The following TMC5 variants were observed in gnomAD, a reference collection of about 807,000 sequenced individuals.
The protein encoded by TMC5 is transmembrane channel-like protein 5.
TMC5 carries 86 observed loss-of-function variants against 110.5 expected under a neutral mutation model. The observed-to-expected ratio is 0.78, with a 90% CI of 0.65 to 0.93. TMC5 has a LOEUF of 0.93. Among genes scored for constraint, TMC5 ranks in the 40% least tolerant of loss-of-function variants. TMC5 has a pLI of 0.00. For synonymous variants in TMC5, 455 were observed against 439.5 expected (o/e 1.04, Z -0.44); for missense variants, 1,144 against 1,222.8 (o/e 0.94, Z 0.96).
At chr16:19,470,797 G>A (rs948003560) in intron 10 of TMC5, among the ~76,000 whole-genome samples, 2 of 149,292 alleles carry the variant, frequency 1.3e-5, no homozygotes, top group Admixed American at 6.7e-5. Context: ...AATTTGGGAG[G>A]ACGAGGCAGG....
chr16:19,441,355 T>C (rs1213683118), intron 3 of TMC5, among the ~76,000 whole-genome samples: 1 of 151,846 alleles, frequency 6.6e-6, no homozygotes, highest in Admixed American at 6.6e-5. Context: ...GGTCTTGCTA[T>C]GTCACCCAGG....
At chr16:19,419,587 T>C (rs1200006325) in intron 1 of TMC5, among the ~76,000 whole-genome samples, 1 of 151,620 alleles carries the variant, frequency 6.6e-6, no homozygotes, top group African/African-American at 2.4e-5. Context: ...TAATTTTTTG[T>C]ATTTTTAGGA....
chr16:19,464,173 T>G, intron 8 of TMC5, 149 bp downstream of exon 8: 1 of 1,027,414 alleles, frequency 9.7e-7, no homozygotes. Context: ...CCTGGCTGAG[T>G]GTGGTGACTC....
At chr16:19,486,531 C>T (rs1360935637) in intron 15 of TMC5, among the ~76,000 whole-genome samples, 1 of 152,168 alleles carries the variant, frequency 6.6e-6, no homozygotes, top group East Asian at 1.9e-4. Flanking sequence ...CATACGCCAT[C>T]ATGCCTGGCT....
rs1405575909 is a variant in TMC5 at position 19,479,427 on chromosome 16, C to A, written c.2170-4C>A. On this transcript the variant is annotated splice_region_variant and splice_polypyrimidine_tract_variant and intron_variant, in intron 13 of 21. Transcript: ENST00000542583. ...CCACATCCTGACTCTTGTTTGCCTTCCAGTGTTGGGAAACCCTCATTGGCC... is the reference window on the plus strand; with the variant it reads ...CCACATCCTGACTCTTGTTTGCCTTACAGTGTTGGGAAACCCTCATTGGCC... 1.9e-6 allele frequency: 3 copies of A among 1,612,332 alleles called. No individual in the cohort carries two copies. The South Asian group carries it at 3.3e-5, about 18-fold the overall frequency.
chr16:19,498,147 A>G lies in TMC5; in HGVS notation c.*181A>G. On this transcript the variant is annotated 3_prime_UTR_variant, in exon 22 of 22. Transcript: ENST00000542583. The stretch of plus-strand genomic sequence containing the variant: ...AAATTGGGCATTCCATGCTATTTTT[A>G]ATACCTGGATTGCTGATTTTTCAAG... The G allele has an allele frequency of 3.3e-6, 2 of 609,620 alleles. No homozygotes were observed. The highest frequency in any genetic ancestry group is 4.0e-5 in the South Asian group (2 of 50,542). The allele number at this position is 609,620 out of a possible 1,614,324, so 37.8% of individuals were successfully genotyped here.
intron 12 of TMC5, chr16:19,477,136 T>C (rs959596175): frequency 4.8e-5 from 12 of 249,800 alleles, no homozygotes; most frequent in Non-Finnish European, 7.9e-5. Context: ...TAGTCCCAGC[T>C]ACTCGGGAAG....
At chr16:19,445,207 G>A (rs2143489437) in intron 4 of TMC5, among the ~76,000 whole-genome samples, 1 of 151,738 alleles carries the variant, frequency 6.6e-6, no homozygotes, top group East Asian at 1.9e-4. Context: ...CTCATAATTT[G>A]TTGTGTGTAT....
chr16:19,438,417 A>AAAAAG (rs1567302280), intron 2 of TMC5, among the ~76,000 whole-genome samples: 2 of 73,858 alleles, frequency 2.7e-5, no homozygotes, highest in Admixed American at 1.4e-4. Flanking sequence ...AAGAAGAAAG[A>AAAAAG]AAAGAAAAAG....
intron 5 of TMC5, among the ~76,000 whole-genome samples, chr16:19,457,706 A>ATTTTT (rs1555483103): frequency 5.1e-4 from 21 of 41,080 alleles, no homozygotes; most frequent in Admixed American, 1.7e-3. Flanking sequence ...CCAAGACTAC[A>ATTTTT]TTCTTTTTTT....
chr16:19,483,915 A>G (rs887207584), intron 15 of TMC5, among the ~76,000 whole-genome samples: 1 of 151,938 alleles, frequency 6.6e-6, no homozygotes, highest in African/African-American at 2.4e-5. Flanking sequence ...CATCTCTACT[A>G]AAAATACACA....
At chr16:19,454,632 T>C (rs1481978295) in intron 5 of TMC5, among the ~76,000 whole-genome samples, 2 of 152,306 alleles carry the variant, frequency 1.3e-5, no homozygotes, top group Non-Finnish European at 1.5e-5. Context: ...AAGGAATACA[T>C]GGGTTCTAGT....
intron 2 of TMC5, among the ~76,000 whole-genome samples, chr16:19,437,798 A>G (rs1360395461): frequency 2.0e-5 from 3 of 152,014 alleles, no homozygotes; most frequent in Non-Finnish European, 4.4e-5. Context: ...CTTTTTCTCT[A>G]TTCCCTCTGA....
intron 1 of TMC5, among the ~76,000 whole-genome samples, chr16:19,424,170 G>T (rs1967042685): frequency 6.6e-6 from 1 of 152,168 alleles, no homozygotes; most frequent in South Asian, 2.1e-4. Flanking sequence ...TCAAGTCCTG[G>T]CCTTGGGAAC....
intron 19 of TMC5, among the ~76,000 whole-genome samples, chr16:19,493,412 C>G (rs1310566359): frequency 6.6e-6 from 1 of 151,048 alleles, no homozygotes; most frequent in Non-Finnish European, 1.5e-5. Flanking sequence ...AAATCAGGAT[C>G]TGAAAAGGGG....
chr16:19,466,199 T>C lies in TMC5; in HGVS notation c.1603T>C (p.Cys535Arg). The C allele has an allele frequency of 6.2e-7, 1 of 1,614,168 alleles. No homozygotes were observed. Among genetic ancestry groups the C allele is most frequent in the Non-Finnish European group, 8.5e-7 (1 of 1,180,038 alleles). ...QLAYIFTIGA[C>R]LTTCFFSLLF... is the part of the protein sequence containing the mutation. Reference sequence around the variant, plus strand: ...GGCCTACATCTTCACAATCGGAGCATGCTTGACCACCTGCTTCTTCAGTTT... The same window carrying C: ...GGCCTACATCTTCACAATCGGAGCACGCTTGACCACCTGCTTCTTCAGTTT... Residue 535 changes from cysteine to arginine, a missense_variant, in exon 9 of 22, where the codon TGC (cysteine) becomes CGC (arginine). By Grantham distance (180) the Cys-to-Arg change is radical (BLOSUM62 -3). Coordinates refer to ENST00000542583, the MANE Select transcript of TMC5 (RefSeq NM_001261841.2).
chr16:19,457,709 CTTTTTTTTTTTTTTTT>C (rs573979829), intron 5 of TMC5, among the ~76,000 whole-genome samples: 37 of 43,926 alleles, frequency 8.4e-4, no homozygotes, highest in East Asian at 4.1e-3. Context: ...AGACTACATT[CTTTTTTTTTTTTTTTT>C]TTTTTTTTTT....
At chr16:19,463,625 A>G in intron 7 of TMC5, 151 bp from the exon 8 acceptor site, 1 of 1,077,944 alleles carries the variant, frequency 9.3e-7, no homozygotes, top group Non-Finnish European at 1.3e-6. Flanking sequence ...TCCACCTTAG[A>G]GTTGACATAA....
intron 4 of TMC5, among the ~76,000 whole-genome samples, chr16:19,448,631 AAT>A (rs1440153659): frequency 6.8e-6 from 1 of 146,894 alleles, no homozygotes; most frequent in African/African-American, 2.5e-5. Context: ...AATATATATT[AAT>A]ATATATATTT....
Sources: gnomAD v4.1 joint callset for allele counts (sites outside exome capture counted in the v4.1 genomes callset) on GRCh38, gnomAD v4.1.1 for gene constraint, MANE v1.5 for transcripts, NCBI Gene and HGNC (gene_info 2026-07-23, HGNC 2026-07-21) for gene names.